The following TM9SF4 variants were observed in gnomAD, a reference collection of about 807,000 sequenced individuals.
The protein encoded by TM9SF4 is transmembrane 9 superfamily member 4, also known as dinucleotide oxidase disulfide thiol exchanger 3 superfamily member 4.
TM9SF4 carries 26 observed loss-of-function variants against 90.4 expected under a neutral mutation model. The observed-to-expected ratio is 0.29, with a 90% CI of 0.21 to 0.40. The LOEUF (loss-of-function observed/expected upper bound fraction) is 0.40, where lower values mean the gene tolerates loss of function less well. TM9SF4 is among the 10% of genes least tolerant of loss of function. The pLI is 1.00. For synonymous variants in TM9SF4, 293 were observed against 315.4 expected (o/e 0.93, Z 0.75); for missense variants, 549 against 834.8 (o/e 0.66, Z 4.22).
chr20:32,164,184 C>T (rs113283645), intron 17 of TM9SF4, among the ~76,000 whole-genome samples: 25 of 152,002 alleles, frequency 1.6e-4, no homozygotes, highest in African/African-American at 5.5e-4. Context: ...GCTCCTTGTC[C>T]CTCCCCCACC....
chr20:32,163,965 C>G (rs916958524), intron 17 of TM9SF4, among the ~76,000 whole-genome samples: 3 of 152,038 alleles, frequency 2.0e-5, no homozygotes, highest in Non-Finnish European at 2.9e-5. Flanking sequence ...GAGTGTTCCT[C>G]AAAACATCTG....
At position 32,150,287 on chromosome 20, in the gene TM9SF4, T is replaced by C. The variant is rs549925358; in HGVS notation, c.1088-335T>C. Among the ~76,000 whole-genome samples, 13 of 151,950 alleles carry C rather than the reference T, an allele frequency of 8.6e-5. No homozygotes were observed. In the East Asian group the frequency reaches 9.7e-4, roughly 11 times the overall value. On this transcript the variant is annotated intron_variant, in intron 10 of 17. Transcript: ENST00000398022. Reference sequence around the variant, plus strand: ...TAGGGAAAGTAATCACCCTGCAGAGTTGGTAAGGTGGATTCAGAGACCTGG... The same window carrying C: ...TAGGGAAAGTAATCACCCTGCAGAGCTGGTAAGGTGGATTCAGAGACCTGG...
chr20:32,142,386 ATCTT>A (rs1569083054), intron 5 of TM9SF4, among the ~76,000 whole-genome samples: 1 of 152,222 alleles, frequency 6.6e-6, no homozygotes, highest in Non-Finnish European at 1.5e-5. Context: ...TGATTCTCTT[ATCTT>A]TCTTTCTAAA....
At position 32,165,200 on chromosome 20, in the gene TM9SF4, A is replaced by G. The variant is rs549134530; in HGVS notation, c.1780-95A>G. 3.2e-6 allele frequency: 5 copies of G among 1,545,744 alleles called. No individual in the cohort carries two copies. The Admixed American group carries it at 8.6e-5, about 27-fold the overall frequency. On this transcript the variant is annotated intron_variant, in intron 17 of 17. Coordinates refer to ENST00000398022, the MANE Select transcript of TM9SF4 (RefSeq NM_014742.4). The stretch of plus-strand genomic sequence containing the variant: ...ACGCCCCTTCCCCTGGCCAGGCCTC[A>G]GTTTCCCCATGATATCAGTGAGAGT...
chr20:32,114,256 G>T (rs376418902), intron 1 of TM9SF4, among the ~76,000 whole-genome samples: 1 of 152,176 alleles, frequency 6.6e-6, no homozygotes, highest in Non-Finnish European at 1.5e-5. Flanking sequence ...ATGACATCAA[G>T]ATTCCTTTGT....
chr20:32,122,461 C>T (rs1293593915), intron 1 of TM9SF4, among the ~76,000 whole-genome samples: 51 of 149,808 alleles, frequency 3.4e-4, no homozygotes, highest in Middle Eastern at 7.0e-3. Flanking sequence ...GGGCGGCTGC[C>T]GGGCGGAGGG....
intron 1 of TM9SF4, among the ~76,000 whole-genome samples, chr20:32,116,787 T>G (rs1264552311): frequency 6.6e-6 from 1 of 151,884 alleles, no homozygotes; most frequent in Non-Finnish European, 1.5e-5. Context: ...ACTGGATAAT[T>G]GACTTCAGTT....
intron 1 of TM9SF4, among the ~76,000 whole-genome samples, chr20:32,128,533 C>A (rs1038866423): frequency 1.3e-5 from 2 of 152,084 alleles, no homozygotes; most frequent in South Asian, 2.1e-4. Flanking sequence ...ATGTAACCAT[C>A]CCCCGAATAA....
chr20:32,130,884 G>T (rs571087449), intron 1 of TM9SF4, among the ~76,000 whole-genome samples: 4 of 152,108 alleles, frequency 2.6e-5, no homozygotes, highest in African/African-American at 4.8e-5. Context: ...CTTTTAAAAA[G>T]CCTTACTCGC....
In TM9SF4 at chr20:32,165,853, G is replaced by T. The variant is rs2047092301; in HGVS notation, c.*409G>T. The T allele has an allele frequency of 1.0e-5, 2 of 195,790 alleles. No homozygotes were observed. Among genetic ancestry groups the T allele is most frequent in the South Asian group, 8.7e-5 (1 of 11,516 alleles). The allele number at this position is 195,790 out of a possible 1,614,324, so 12.1% of individuals were successfully genotyped here. ...TCCACCTCAGTTCCTCAGGGCTGTT[G>T]GCCACCCTATGACTAACTGGAAGAG... On this transcript the variant is annotated 3_prime_UTR_variant, in exon 18 of 18. Transcript: ENST00000398022.
At chr20:32,110,883 C>G (rs1247079555) in intron 1 of TM9SF4, among the ~76,000 whole-genome samples, 1 of 152,224 alleles carries the variant, frequency 6.6e-6, no homozygotes, top group Non-Finnish European at 1.5e-5. Context: ...ATTGAAGTCA[C>G]TTAGTCCAGA....
At chr20:32,164,945 C>G (rs922392374) in intron 17 of TM9SF4, among the ~76,000 whole-genome samples, 1 of 152,170 alleles carries the variant, frequency 6.6e-6, no homozygotes, top group African/African-American at 2.4e-5. Flanking sequence ...ATCCTGGACA[C>G]CCCTCCCCTC....
chr20:32,123,866 A>ATATTTT, intron 1 of TM9SF4, among the ~76,000 whole-genome samples: 275 of 93,952 alleles, frequency 2.9e-3, no homozygotes, highest in Admixed American at 3.8e-3. Flanking sequence ...ATATATATAT[A>ATATTTT]TTTTTTTTTT....
chr20:32,126,024 G>A (rs1006473402), intron 1 of TM9SF4, among the ~76,000 whole-genome samples: 19 of 149,788 alleles, frequency 1.3e-4, no homozygotes, highest in African/African-American at 4.4e-4. Context: ...ATATTACTGC[G>A]TCTCCAGAGC....
At chr20:32,165,019 T>C (rs1269790047) in intron 17 of TM9SF4, among the ~76,000 whole-genome samples, 1 of 152,072 alleles carries the variant, frequency 6.6e-6, no homozygotes, top group Admixed American at 6.5e-5. Flanking sequence ...CTGGGGTCTG[T>C]GGGGGACCAG....
chr20:32,157,965 G>A lies in TM9SF4; in HGVS notation c.1501G>A (p.Val501Met). ...PEQRWYMNRF[V>M]GILMAGILPF... ...GCAGCGGTGGTACATGAACCGATTT[G>A]TGGGGTGAGTCCTCCAGCAGAGGCA... Residue 501 changes from valine to methionine, a missense_variant, in exon 14 of 18, where the codon GTG becomes ATG. Val to Met is a conservative substitution (Grantham distance 21, BLOSUM62 1). Around this residue, in one of 2 missense-constraint regions of TM9SF4, gnomAD observed 495 missense variants for 711.7 expected, o/e 0.70. Coordinates refer to ENST00000398022, the MANE Select transcript of TM9SF4 (RefSeq NM_014742.4). The A allele has an allele frequency of 1.2e-6, 2 of 1,614,092 alleles. No homozygotes were observed. The highest frequency in any genetic ancestry group is 1.7e-6 in the Non-Finnish European group (2 of 1,179,984).
intron 17 of TM9SF4, among the ~76,000 whole-genome samples, chr20:32,161,759 AATAAAG>A (rs754856698): frequency 1.3e-5 from 2 of 152,222 alleles, no homozygotes; most frequent in Non-Finnish European, 2.9e-5. Flanking sequence ...GAAAGGAGTT[AATAAAG>A]ATAAAAGCAC....
At chr20:32,122,141 T>C (rs1386089006) in intron 1 of TM9SF4, among the ~76,000 whole-genome samples, 2 of 123,752 alleles carry the variant, frequency 1.6e-5, no homozygotes, top group Non-Finnish European at 3.4e-5. Flanking sequence ...ACGGGGCAGC[T>C]GGCCGGGCGG....
rs1243268586 is a variant in TM9SF4 at position 32,115,806 on chromosome 20, G to GTTTTTTTTTTTTTTTTTTTTTTTTTTTT, written c.15+6051_15+6052insTTTTTTTTTTTTTTTTTTTTTTTTTTTT. 2.8e-5 allele frequency among the ~76,000 whole-genome samples: 3 copies of GTTTTTTTTTTTTTTTTTTTTTTTTTTTT among 106,306 alleles called. 1 individual carries two copies. The highest frequency in any genetic ancestry group is 1.8e-5 in the Non-Finnish European group (1 of 54,314). 69.7% of individuals were successfully genotyped at this position (106,306 alleles called of 152,430 possible). A position where few individuals can be genotyped will look rare whatever the true frequency, so the allele number is the denominator to read the frequency against. On this transcript the variant is annotated intron_variant, in intron 1 of 17. Coordinates refer to ENST00000398022, the MANE Select transcript of TM9SF4 (RefSeq NM_014742.4). ...GTAATAACAAAACCTACCACTTTAA[G>GTTTTTTTTTTTTTTTTTTTTTTTTTTTT]CTTTTTTTTTTTTTTTTTTTTTTTT...
Sources: allele counts gnomAD v4.1 joint callset (sites outside exome capture counted in the v4.1 genomes callset), GRCh38; gene constraint gnomAD v4.1.1; regional missense constraint gnomAD v4.1.1; transcripts MANE v1.5; gene names NCBI Gene and HGNC (gene_info 2026-07-23, HGNC 2026-07-21).